The following NIPBL variants were observed in gnomAD, a reference collection of about 807,000 sequenced individuals.
The protein encoded by NIPBL is nipped-B-like protein.
A neutral mutation model predicts 321.8 loss-of-function variants in NIPBL; 19 were observed. The ratio of observed to expected loss-of-function variants is 0.06; its 90% confidence interval spans 0.04 to 0.09. The LOEUF (loss-of-function observed/expected upper bound fraction) is 0.09, where lower values mean the gene tolerates loss of function less well. Among genes scored for constraint, NIPBL ranks in the 10% least tolerant of loss-of-function variants. NIPBL has a pLI of 1.00. For synonymous variants in NIPBL, 1,106 were observed against 1,114.1 expected (o/e 0.99, Z 0.14); for missense variants, 2,210 against 3,327.0 (o/e 0.66, Z 8.26).
At chr5:37,025,961 C>T (rs996533354) in intron 30 of NIPBL, among the ~76,000 whole-genome samples, 6 of 151,866 alleles carry the variant, frequency 4.0e-5, no homozygotes, top group Non-Finnish European at 5.9e-5. Flanking sequence ...TGATCATAAA[C>T]ATTTGAGTGT....
chr5:36,950,421 A>C (rs1055176554), intron 1 of NIPBL, among the ~76,000 whole-genome samples: 1 of 152,032 alleles, frequency 6.6e-6, no homozygotes, highest in Non-Finnish European at 1.5e-5. Flanking sequence ...GAGGTGGGCT[A>C]CTTTCCTCAC....
chr5:37,052,755 G>A, intron 42 of NIPBL, among the ~76,000 whole-genome samples, 189 bp downstream of exon 42: 1 of 152,168 alleles, frequency 6.6e-6, no homozygotes, highest in East Asian at 1.9e-4. Flanking sequence ...ATGAGAATAA[G>A]TGTAATGAGG....
At chr5:37,027,303 A>T in intron 31 of NIPBL, 56 bp from the exon 32 acceptor site, 1 of 1,298,556 alleles carries the variant, frequency 7.7e-7, no homozygotes, top group Non-Finnish European at 1.1e-6. Flanking sequence ...ACAAAAGTAT[A>T]TTTTATTCAC....
At chr5:37,007,720 C>A (rs189104449) in intron 18 of NIPBL, among the ~76,000 whole-genome samples, 27 of 151,952 alleles carry the variant, frequency 1.8e-4, no homozygotes, top group Admixed American at 3.9e-4. Flanking sequence ...TATTTTCATG[C>A]AGATATTAAA....
At chr5:37,041,133 G>T (rs1164233668) in intron 34 of NIPBL, among the ~76,000 whole-genome samples, 1 of 147,848 alleles carries the variant, frequency 6.8e-6, no homozygotes, top group African/African-American at 2.5e-5. Flanking sequence ...TTACTTAATG[G>T]TTTCCATCTT....
chr5:37,040,298 G>C (rs147005739), intron 34 of NIPBL, among the ~76,000 whole-genome samples: 10 of 151,930 alleles, frequency 6.6e-5, no homozygotes, highest in African/African-American at 1.9e-4. Context: ...TCTCATACAT[G>C]GTAAACTTTT....
chr5:36,999,939 G>T (rs1488140990), intron 11 of NIPBL, among the ~76,000 whole-genome samples: 1 of 152,154 alleles, frequency 6.6e-6, no homozygotes, highest in Non-Finnish European at 1.5e-5. Context: ...CTCAAAAGTT[G>T]ACTTTTCCTC....
chr5:36,937,969 T>C (rs1296511820), intron 1 of NIPBL, among the ~76,000 whole-genome samples: 2 of 152,194 alleles, frequency 1.3e-5, no homozygotes, highest in East Asian at 3.8e-4. Context: ...CTGAAAACCT[T>C]GGGTTCAGCG....
chr5:36,996,364 T>C lies in NIPBL; in HGVS notation c.3304+560T>C, dbSNP rs1294568793. On this transcript the variant is annotated intron_variant, in intron 11 of 46. Coordinates refer to ENST00000282516, the MANE Select transcript of NIPBL (RefSeq NM_133433.4). This position sits in a 1 kb window ranked among gnomAD's most constrained non-coding sequence, Gnocchi z 5.0. Reference sequence around the variant, plus strand: ...TATTTAAAACCATACTATCACTAAATTATGAATGGATTAGCCACATTGCAG... The same window carrying C: ...TATTTAAAACCATACTATCACTAAACTATGAATGGATTAGCCACATTGCAG... 1 of 455,472 alleles carries C rather than the reference T, an allele frequency of 2.2e-6. No individual in the cohort carries two copies. The highest frequency in any genetic ancestry group is 6.9e-5 in the East Asian group (1 of 14,396). 28.2% of individuals were successfully genotyped at this position (455,472 alleles called of 1,614,324 possible).
intron 34 of NIPBL, among the ~76,000 whole-genome samples, chr5:37,042,922 C>CAT (rs1482278013): frequency 4.0e-5 from 6 of 151,046 alleles, no homozygotes; most frequent in Admixed American, 3.3e-4. Flanking sequence ...CACACACACA[C>CAT]ATATAACTTT....
intron 1 of NIPBL, chr5:36,886,522 G>C (rs1745919165): frequency 1.4e-6 from 1 of 726,646 alleles, no homozygotes. Flanking sequence ...GGTACCCTTT[G>C]GGGAGCAGGA....
At chr5:37,057,670 C>T (rs1561223112) in intron 43 of NIPBL, among the ~76,000 whole-genome samples, 1 of 152,180 alleles carries the variant, frequency 6.6e-6, no homozygotes, top group Non-Finnish European at 1.5e-5. Context: ...TCTTGTAATG[C>T]TGTAATCACA....
intron 29 of NIPBL, among the ~76,000 whole-genome samples, chr5:37,023,750 CTTTTTTTTTTTTTTT>C (rs779595045): frequency 2.6e-5 from 2 of 75,860 alleles, no homozygotes; most frequent in African/African-American, 5.1e-5. Context: ...TTTTCTTATT[CTTTTTTTTTTTTTTT>C]TTTTTTTTTT....
At chr5:36,893,977 G>T (rs1005383546) in intron 1 of NIPBL, among the ~76,000 whole-genome samples, 20 of 152,056 alleles carry the variant, frequency 1.3e-4, no homozygotes, top group Admixed American at 3.9e-4. Flanking sequence ...GTTCCTAAAG[G>T]TGTCTTATAT....
At chr5:36,930,678 T>G (rs1423188343) in intron 1 of NIPBL, among the ~76,000 whole-genome samples, 2 of 152,150 alleles carry the variant, frequency 1.3e-5, no homozygotes, top group African/African-American at 4.8e-5. Context: ...CTGTAGAATT[T>G]TCATAGATGC....
At chr5:37,022,492 ATATATT>A in intron 29 of NIPBL, 102 bp downstream of exon 29, 2 of 992,266 alleles carry the variant, frequency 2.0e-6, no homozygotes, top group South Asian at 1.8e-5. Flanking sequence ...TGTACCAATT[ATATATT>A]TATATTGTCA....
chr5:36,927,246 T>G (rs1580251306), intron 1 of NIPBL, among the ~76,000 whole-genome samples: 2 of 152,214 alleles, frequency 1.3e-5, no homozygotes, highest in Admixed American at 1.3e-4. Context: ...ATTATAAGTA[T>G]TGTTTTCTCA....
chr5:37,020,902 AC>A (rs1174074937), intron 27 of NIPBL, 25 bp downstream of exon 27: 26 of 1,445,414 alleles, frequency 1.8e-5, no homozygotes, highest in Non-Finnish European at 2.4e-5. Context: ...AATTCCTTAT[AC>A]AGTGATATTG....
intron 1 of NIPBL, among the ~76,000 whole-genome samples, chr5:36,909,968 C>T (rs1484926577): frequency 6.6e-6 from 1 of 151,638 alleles, no homozygotes; most frequent in African/African-American, 2.4e-5. Context: ...CCCAGCTACT[C>T]GGGAGGCTGA....
Sources: gnomAD v4.1 joint callset for allele counts (sites outside exome capture counted in the v4.1 genomes callset) on GRCh38, gnomAD v4.1.1 for gene constraint, Gnocchi (gnomAD v3.1) non-coding constraint, MANE v1.5 for transcripts, NCBI Gene and HGNC (gene_info 2026-07-23, HGNC 2026-07-21) for gene names.